Variants in WWTR1 observed in about 807,000 individuals in gnomAD.
The protein encoded by WWTR1 is WW domain-containing transcription regulator protein 1.
In WWTR1, 13 loss-of-function variants were observed where a neutral mutation model predicts 40.1. The ratio of observed to expected loss-of-function variants is 0.32; its 90% CI spans 0.21 to 0.52. The LOEUF is 0.52. Among genes scored for constraint, WWTR1 ranks in the 20% least tolerant of loss-of-function variants. The pLI is 0.97. For synonymous variants in WWTR1, 230 were observed against 210.1 expected (o/e 1.09, Z -0.82); for missense variants, 436 against 523.1 (o/e 0.83, Z 1.63).
At chr3:149,538,390 A>G (rs1488942050) in intron 4 of WWTR1, among the ~76,000 whole-genome samples, 1 of 152,216 alleles carries the variant, frequency 6.6e-6, no homozygotes, top group Non-Finnish European at 1.5e-5. Flanking sequence ...TTCAGTAAAA[A>G]TAAAAGAAAA....
intron 5 of WWTR1, among the ~76,000 whole-genome samples, chr3:149,709,038 G>A (rs949033819): frequency 1.3e-4 from 19 of 151,660 alleles, no homozygotes; most frequent in African/African-American, 3.6e-4. Flanking sequence ...ACACGGTCTC[G>A]CTCTGCCACC....
At chr3:149,682,093 T>G (rs1436109743) in intron 1 of WWTR1, among the ~76,000 whole-genome samples, 1 of 152,150 alleles carries the variant, frequency 6.6e-6, no homozygotes, top group African/African-American at 2.4e-5. Context: ...AAGATCAACT[T>G]TCTGACTTGC....
chr3:149,621,493 A>G (rs751188880), intron 2 of WWTR1, among the ~76,000 whole-genome samples: 198 of 152,218 alleles, frequency 1.3e-3, no homozygotes, highest in South Asian at 1.4e-3. Flanking sequence ...TCCCATGGTC[A>G]GGACTATTTG....
intron 2 of WWTR1, among the ~76,000 whole-genome samples, chr3:149,589,894 CAT>C (rs1448508365): frequency 4.5e-4 from 68 of 152,244 alleles, no homozygotes; most frequent in South Asian, 4.1e-4. Context: ...TTATTCACAT[CAT>C]ATATGTTTTT....
At chr3:149,713,367 A>T (rs947200026) in intron 5 of WWTR1, among the ~76,000 whole-genome samples, 2 of 151,060 alleles carry the variant, frequency 1.3e-5, no homozygotes, top group African/African-American at 4.9e-5. Context: ...TTATTTTATT[A>T]ATTTATTTAT....
chr3:149,551,153 T>G (rs1389405016), intron 3 of WWTR1, among the ~76,000 whole-genome samples: 1 of 144,088 alleles, frequency 6.9e-6, no homozygotes, highest in Non-Finnish European at 1.5e-5. Context: ...CAAAATTAGC[T>G]GGGCATAGTG....
intron 5 of WWTR1, among the ~76,000 whole-genome samples, chr3:149,708,617 G>C (rs1715392147): frequency 6.6e-6 from 1 of 152,034 alleles, no homozygotes; most frequent in Non-Finnish European, 1.5e-5. Context: ...ATGTCCTCAA[G>C]GTTCATCCAT....
intron 5 of WWTR1, among the ~76,000 whole-genome samples, chr3:149,710,567 GCC>G (rs1715449093): frequency 9.9e-5 from 3 of 30,292 alleles, no homozygotes; most frequent in Non-Finnish European, 1.9e-4. Flanking sequence ...CATTATCCCC[GCC>G]TCCCCCCCCC....
At chr3:149,678,687 T>C (rs1714353099) in intron 1 of WWTR1, among the ~76,000 whole-genome samples, 2 of 152,194 alleles carry the variant, frequency 1.3e-5, no homozygotes, top group African/African-American at 2.4e-5. Flanking sequence ...CTCCCTCATC[T>C]ACCAAATTCT....
At chr3:149,581,779 C>G (rs969583264) in intron 2 of WWTR1, among the ~76,000 whole-genome samples, 8 of 152,142 alleles carry the variant, frequency 5.3e-5, no homozygotes, top group African/African-American at 1.7e-4. Flanking sequence ...GGCACAGCAG[C>G]CATGTGAAAG....
chr3:149,689,134 C>T (rs1372060136), intron 1 of WWTR1, among the ~76,000 whole-genome samples: 1 of 152,052 alleles, frequency 6.6e-6, no homozygotes, highest in Non-Finnish European at 1.5e-5. Context: ...ATAATCCTAG[C>T]TCTTTGAGAG....
At chr3:149,700,213 TCC>T (rs1164026775) in intron 1 of WWTR1, among the ~76,000 whole-genome samples, 1 of 152,138 alleles carries the variant, frequency 6.6e-6, no homozygotes, top group Non-Finnish European at 1.5e-5. Context: ...AGGCCTGTAA[TCC>T]CAGCACTTTG....
intron 4 of WWTR1, among the ~76,000 whole-genome samples, chr3:149,723,586 T>G (rs560918429): frequency 6.6e-6 from 1 of 152,320 alleles, no homozygotes; most frequent in East Asian, 1.9e-4. Flanking sequence ...ATATATTTTT[T>G]GAGCCTTTGC....
chr3:149,692,054 T>G (rs1324191309), intron 1 of WWTR1, among the ~76,000 whole-genome samples: 1 of 151,586 alleles, frequency 6.6e-6, no homozygotes, highest in Admixed American at 6.6e-5. Context: ...CTAATACTAA[T>G]GCTACTCACA....
intron 3 of WWTR1, among the ~76,000 whole-genome samples, chr3:149,563,760 G>T (rs1032627196): frequency 1.3e-5 from 2 of 151,896 alleles, no homozygotes; most frequent in Non-Finnish European, 2.9e-5. Context: ...GTTTTGTTTT[G>T]CTTTGCTTTG....
chr3:149,574,083 T>C (rs570984042), intron 2 of WWTR1, among the ~76,000 whole-genome samples: 1 of 152,112 alleles, frequency 6.6e-6, no homozygotes, highest in South Asian at 2.1e-4. Flanking sequence ...CAGGCTGGAG[T>C]ACAGTGGCAT....
intron 4 of WWTR1, among the ~76,000 whole-genome samples, chr3:149,531,992 T>C (rs768737267): frequency 2.6e-5 from 4 of 152,198 alleles, no homozygotes; most frequent in Non-Finnish European, 5.9e-5. Context: ...GAAATGGTCC[T>C]GCTGCACTCT....
rs1433828854 is a variant in WWTR1, at chr3:149,519,012, A to C, written c.*1793T>G. On this transcript the variant is annotated 3_prime_UTR_variant, in exon 7 of 7. Coordinates refer to ENST00000360632, the MANE Select transcript of WWTR1 (RefSeq NM_015472.6). ...TGTATATTCCGGTAGATCAAAAGGA[A>C]TCTTATTTAAGATCCCCAACAAATA... is the stretch of plus-strand genomic sequence containing the variant. 1.3e-5 allele frequency: 2 copies of C among 152,050 alleles called. No individual in the cohort carries two copies. Among genetic ancestry groups the C allele is most frequent in the Non-Finnish European group, 2.9e-5 (2 of 68,012 alleles). 9.4% of individuals were successfully genotyped at this position (152,050 alleles called of 1,614,324 possible). A position where few individuals can be genotyped will look rare whatever the true frequency, so the allele number is the denominator to read the frequency against.
intron 1 of WWTR1, among the ~76,000 whole-genome samples, chr3:149,686,945 C>T (rs189178355): frequency 4.6e-5 from 7 of 152,272 alleles, no homozygotes; most frequent in Admixed American, 4.6e-4. Flanking sequence ...TTTGCTTTAC[C>T]TATATACTCT....
Sources: allele counts gnomAD v4.1 joint callset (sites outside exome capture counted in the v4.1 genomes callset), GRCh38; gene constraint gnomAD v4.1.1; transcripts MANE v1.5; gene names NCBI Gene and HGNC (gene_info 2026-07-23, HGNC 2026-07-21).